The following WWC2 variants were observed in gnomAD, a reference collection of about 807,000 sequenced individuals.
WWC2 encodes protein WWC2.
WWC2 carries 101 observed loss-of-function variants against 138.5 expected under a neutral mutation model. The ratio of observed to expected loss-of-function variants is 0.73; its 90% CI spans 0.62 to 0.86. The LOEUF is 0.86. WWC2 is among the 40% of genes least tolerant of loss of function. The probability of loss-of-function intolerance (pLI) is 0.00; values close to 1 mark genes in which losing one functional copy is unlikely to be tolerated. For synonymous variants in WWC2, 558 were observed against 538.4 expected (o/e 1.04, Z -0.50); for missense variants, 1,420 against 1,419.4 (o/e 1.00, Z -0.01).
intron 2 of WWC2, among the ~76,000 whole-genome samples, chr4:183,195,445 C>T: frequency 6.6e-6 from 1 of 152,174 alleles, no homozygotes; most frequent in East Asian, 1.9e-4. Flanking sequence ...GCTTCCTCCT[C>T]TTTCTCAGTG....
chr4:183,214,912 C>A lies in WWC2; in HGVS notation c.522+5887C>A, dbSNP rs374161871. ...TAGCTTACATTTCAAGTTCTTTCAGCTGTGACTTTGCTTTCTTTTAGGGTG... is the reference window on the plus strand; with the variant it reads ...TAGCTTACATTTCAAGTTCTTTCAGATGTGACTTTGCTTTCTTTTAGGGTG... On this transcript the variant is annotated intron_variant, in intron 4 of 22. Transcript: ENST00000403733. 4.2e-4 allele frequency among the ~76,000 whole-genome samples: 64 copies of A among 152,306 alleles called. 1 individual carries two copies. The East Asian group carries it at 8.5e-3, about 20-fold the overall frequency.
At chr4:183,102,550 C>T (rs900207580) in intron 1 of WWC2, among the ~76,000 whole-genome samples, 3 of 152,200 alleles carry the variant, frequency 2.0e-5, no homozygotes, top group Non-Finnish European at 2.9e-5. Context: ...GACAGCTTGA[C>T]TCTACAGCAT....
At chr4:183,213,235 G>A (rs1234153647) in intron 4 of WWC2, among the ~76,000 whole-genome samples, 2 of 152,326 alleles carry the variant, frequency 1.3e-5, no homozygotes, top group East Asian at 3.9e-4. Context: ...TTTTGACCAG[G>A]TAGCACTTTA....
chr4:183,193,895 C>T (rs1351044075), intron 2 of WWC2, among the ~76,000 whole-genome samples, 187 bp downstream of exon 2: 2 of 152,124 alleles, frequency 1.3e-5, no homozygotes, highest in African/African-American at 4.8e-5. Context: ...CTTATGGGGG[C>T]GGAGAGGGAG....
chr4:183,314,162 C>T (rs1241595679), intron 22 of WWC2, among the ~76,000 whole-genome samples: 1 of 152,002 alleles, frequency 6.6e-6, no homozygotes, highest in Non-Finnish European at 1.5e-5. Flanking sequence ...TTCTGCAACA[C>T]CCTGCAGTAG....
chr4:183,110,062 C>T (rs1441871467), intron 1 of WWC2, among the ~76,000 whole-genome samples: 1 of 152,168 alleles, frequency 6.6e-6, no homozygotes, highest in Non-Finnish European at 1.5e-5. Context: ...CATCTCTGGG[C>T]ACCTGGCTTT....
At chr4:183,284,144 GAT>G in intron 18 of WWC2, 80 bp from the exon 19 acceptor site, 2 of 1,533,974 alleles carry the variant, frequency 1.3e-6, no homozygotes, top group Non-Finnish European at 1.8e-6. Context: ...TGTAACATTA[GAT>G]ATTTTTTCTT....
chr4:183,229,991 A>C (rs1654400683), intron 4 of WWC2, among the ~76,000 whole-genome samples: 1 of 151,936 alleles, frequency 6.6e-6, no homozygotes, highest in South Asian at 2.1e-4. Flanking sequence ...CAACCTGGTA[A>C]ATTTTGTATT....
chr4:183,271,039 C>G, intron 15 of WWC2, 41 bp from the exon 16 acceptor site: 2 of 1,431,972 alleles, frequency 1.4e-6, no homozygotes, highest in African/African-American at 2.9e-5. Flanking sequence ...TTTATTTTCT[C>G]TTCCTTATTT....
intron 1 of WWC2, among the ~76,000 whole-genome samples, chr4:183,174,183 C>T (rs1003016583): frequency 6.6e-6 from 1 of 152,126 alleles, no homozygotes; most frequent in African/African-American, 2.4e-5. Flanking sequence ...TTCAGCAGTC[C>T]GAGCCACCTG....
chr4:183,226,693 T>C (rs1053673353), intron 4 of WWC2, among the ~76,000 whole-genome samples: 5 of 152,044 alleles, frequency 3.3e-5, no homozygotes, highest in Admixed American at 6.5e-5. Flanking sequence ...AATCAGGCTT[T>C]GTCAGGATTT....
intron 2 of WWC2, among the ~76,000 whole-genome samples, chr4:183,203,323 G>A (rs1735353864): frequency 1.3e-5 from 2 of 151,616 alleles, no homozygotes; most frequent in African/African-American, 4.8e-5. Flanking sequence ...CACAATGCGG[G>A]TACCTCAGCC....
At chr4:183,199,749 CAT>C (rs1735250891) in intron 2 of WWC2, among the ~76,000 whole-genome samples, 1 of 152,148 alleles carries the variant, frequency 6.6e-6, no homozygotes, top group African/African-American at 2.4e-5. Flanking sequence ...TTGTAATTCA[CAT>C]GTGTTCTCTA....
At chr4:183,249,823 T>G in intron 7 of WWC2, 97 bp from the exon 8 acceptor site, 1 of 1,004,384 alleles carries the variant, frequency 1.0e-6, no homozygotes, top group South Asian at 1.6e-5. Flanking sequence ...CCATCTTCTT[T>G]AACTTTTCAA....
chr4:183,315,591 G>T lies in WWC2; in HGVS notation c.3513-72G>T. The T allele has an allele frequency of 4.9e-6, 6 of 1,229,070 alleles. No individual in the cohort carries two copies. In the South Asian group the frequency reaches 6.9e-5, roughly 14 times the overall value. The allele number at this position is 1,229,070 out of a possible 1,614,324, so 76.1% of individuals were successfully genotyped here. The stretch of plus-strand genomic sequence containing the variant: ...ACATCACTGCCACTGCAGGTCTTGG[G>T]GACTGTTTTAATGGTCCCAGAGTAT... On this transcript the variant is annotated intron_variant, in intron 22 of 22. Transcript: ENST00000403733.
Position 183,282,758 on chromosome 4 carries a change from C to T in WWC2, c.2735C>T (p.Ala912Val). 2 of 1,579,494 alleles carry T rather than the reference C, an allele frequency of 1.3e-6. No homozygotes were observed. Among genetic ancestry groups the T allele is most frequent in the African/African-American group, 2.7e-5 (2 of 74,364 alleles). The change falls in exon 18 of 23, where the codon GCT (alanine) becomes GTT (valine). Residue 912 changes from alanine to valine, a missense_variant. By Grantham distance (64) the Ala-to-Val change is moderately conservative (BLOSUM62 0). Transcript: ENST00000403733. ...ASDEIVAEKE[A>V]EVKLPEDSSC... is the part of the protein sequence containing the mutation. ...GATGAAATTGTGGCTGAAAAAGAGG[C>T]TGAAGTTAAATTGCCAGAGGACAGT...
At chr4:183,202,690 C>T (rs968855579) in intron 2 of WWC2, among the ~76,000 whole-genome samples, 3 of 152,198 alleles carry the variant, frequency 2.0e-5, no homozygotes, top group East Asian at 1.9e-4. Context: ...AAGTGTTGAG[C>T]ATATGTATAT....
chr4:183,273,018 G>C (rs1737742080), intron 16 of WWC2, among the ~76,000 whole-genome samples: 1 of 152,092 alleles, frequency 6.6e-6, no homozygotes, highest in Non-Finnish European at 1.5e-5. Context: ...ATAATTTGAG[G>C]AACAGCCAAA....
chr4:183,272,530 A>C (rs1486808881), intron 16 of WWC2, among the ~76,000 whole-genome samples: 2 of 152,214 alleles, frequency 1.3e-5, no homozygotes, highest in Non-Finnish European at 2.9e-5. Flanking sequence ...AACCAACTTT[A>C]CAGTCTAATA....
Sources: allele counts gnomAD v4.1 joint callset (sites outside exome capture counted in the v4.1 genomes callset), GRCh38; gene constraint gnomAD v4.1.1; transcripts MANE v1.5; gene names NCBI Gene and HGNC (gene_info 2026-07-23, HGNC 2026-07-21).